Variants in RBM38 observed in about 807,000 individuals in gnomAD.
RBM38 encodes the protein RNA binding motif protein 38.
A neutral mutation model predicts 23.5 loss-of-function variants in RBM38; 11 were observed. The observed-to-expected ratio is 0.47, with a 90% CI of 0.29 to 0.77. RBM38 has a LOEUF of 0.77. Ranked by LOEUF, RBM38 falls within the 30% of genes least tolerant of loss-of-function variation. The pLI is 0.08. For missense variants in RBM38, 330 were observed against 351.9 expected (o/e 0.94, Z 0.50); for synonymous variants, 165 against 166.1 (o/e 0.99, Z 0.05).
rs1401044966 is a variant in RBM38 at position 57,391,592 on chromosome 20, A to T, written c.11A>T (p.Gln4Leu). ...GGCGGGGCGCCCCCCATGCTGCTGC[A>T]GCCCGCGCCGTGCGCCCCGAGCGCG... The part of the protein sequence containing the change: MLL[Q>L]PAPCAPSAGF... Residue 4 changes from glutamine to leucine, a missense_variant, in exon 1 of 4, where the codon CAG (glutamine) becomes CTG (leucine). By Grantham distance (113) the Gln-to-Leu change is moderately radical. Around this residue, in one of 3 missense-constraint regions of RBM38, gnomAD observed 95 missense variants for 111.9 expected, o/e 0.85. Coordinates refer to ENST00000356208, the MANE Select transcript of RBM38 (RefSeq NM_017495.6). The T allele has an allele frequency of 7.5e-7, 1 of 1,339,352 alleles. No individual in the cohort carries two copies. Among genetic ancestry groups the T allele is most frequent in the Middle Eastern group, 2.6e-4 (1 of 3,876 alleles). The allele number at this position is 1,339,352 out of a possible 1,614,324, so 83.0% of individuals were successfully genotyped here.
At position 57,391,677 on chromosome 20, in the gene RBM38, G is replaced by C; in HGVS notation, c.96G>C (p.Thr32=). Reference sequence around the variant, plus strand: ...TGCACGGCTCGCAGAAGGACACCACGTTCACCAAGATCTTCGTGGGCGGCC... The same window carrying C: ...TGCACGGCTCGCAGAAGGACACCACCTTCACCAAGATCTTCGTGGGCGGCC... ...GAMHGSQKDT[T]FTKIFVGGLP... Residue 32 remains threonine, a synonymous_variant, in exon 1 of 4, where the codon ACG becomes ACC. Transcript: ENST00000356208. 1 of 1,511,482 alleles carries C rather than the reference G, an allele frequency of 6.6e-7. No homozygotes were observed. Among genetic ancestry groups the C allele is most frequent in the Non-Finnish European group, 8.9e-7 (1 of 1,127,002 alleles). The allele number at this position is 1,511,482 out of a possible 1,614,324, so 93.6% of individuals were successfully genotyped here. A position where few individuals can be genotyped will look rare whatever the true frequency, so the allele number is the denominator to read the frequency against.
intron 3 of RBM38, chr20:57,399,810 G>T: frequency 2.2e-6 from 1 of 448,748 alleles, no homozygotes; most frequent in Non-Finnish European, 4.5e-6. Flanking sequence ...CCCACACCCA[G>T]CCAGGCGGGA....
intron 1 of RBM38, 101 bp downstream of exon 1, chr20:57,391,919 G>A (rs2067220253): frequency 1.2e-6 from 1 of 837,838 alleles, no homozygotes; most frequent in Non-Finnish European, 1.6e-6. Flanking sequence ...GCCCGCTGCC[G>A]CCCCCGCCCC....
intron 1 of RBM38, among the ~76,000 whole-genome samples, chr20:57,392,064 C>G (rs73917112): frequency 0.012 from 1,487 of 122,610 alleles, 23 homozygotes; most frequent in African/African-American, 0.042. Context: ...AAAGGAAGAG[C>G]CGCTGTGTTC....
chr20:57,392,523 C>A (rs921846115), intron 1 of RBM38, 131 bp from the exon 2 acceptor site: 1 of 1,521,466 alleles, frequency 6.6e-7, no homozygotes, highest in Middle Eastern at 1.9e-4. Context: ...GGCTCAAGGA[C>A]CCTGGGTCAC....
rs755104107 is a variant in RBM38 at position 57,407,651 on chromosome 20, C to G, written c.525C>G (p.Ala175=). 6.2e-7 allele frequency: 1 copy of G among 1,613,110 alleles called. No individual in the cohort carries two copies. The highest frequency in any genetic ancestry group is 1.3e-5 in the African/African-American group (1 of 74,940). The part of the protein sequence containing the change: ...LSSPYIEYTP[A]SPAYAQYPPA... ...CGCCCTACATTGAGTACACGCCGGC[C>G]AGCCCGGCCTACGCCCAGTACCCAC... Residue 175 remains alanine, a synonymous_variant, in exon 4 of 4, where the codon GCC becomes GCG. Transcript: ENST00000356208. The surrounding 1 kb of genome is among the most constrained non-coding windows in gnomAD (Gnocchi z 4.0).
Position 57,404,024 on chromosome 20 carries a change from A to T in RBM38, c.417-3519A>T, listed in dbSNP as rs193118071. 5.3e-5 allele frequency among the ~76,000 whole-genome samples: 8 copies of T among 152,316 alleles called. No homozygotes were observed. In the East Asian group the frequency reaches 1.5e-3, roughly 29 times the overall value. ...GTCTGCAAGGGTCAGGAAACAGGAG[A>T]GCCCCGCCTTCCTCCCCAGCCTAAA... is the stretch of plus-strand genomic sequence containing the variant. On this transcript the variant is annotated intron_variant, in intron 3 of 3. Transcript: ENST00000356208.
chr20:57,392,777 G>T lies in RBM38; in HGVS notation c.361G>T (p.Gly121Cys), dbSNP rs747582637. Residue 121 changes from glycine (G) to cysteine (C), a missense_variant and splice_region_variant, in exon 2 of 4, where the codon GGC becomes TGC. Transcript: ENST00000356208. ...LGAKPRSLQT[G>C]FAIGVQQLHP... ...CGCCAAGCCGCGGAGCCTCCAGACG[G>T]GTGAGAGCTTGTGTTTTCCTGCCTG... 7.4e-6 allele frequency: 12 copies of T among 1,611,998 alleles called. No homozygotes were observed. Among genetic ancestry groups the T allele is most frequent in the Non-Finnish European group, 5.1e-6 (6 of 1,179,522 alleles).
In RBM38 at chr20:57,396,422, G is replaced by C. The variant is rs562512946; in HGVS notation, c.416+3089G>C. 5.3e-4 allele frequency among the ~76,000 whole-genome samples: 81 copies of C among 152,360 alleles called. 1 individual carries two copies. Among genetic ancestry groups the C allele is most frequent in the African/African-American group, 1.8e-3 (73 of 41,580 alleles). On this transcript the variant is annotated intron_variant, in intron 3 of 3. Coordinates refer to ENST00000356208, the MANE Select transcript of RBM38 (RefSeq NM_017495.6). Reference sequence around the variant, plus strand: ...AGGGTCTGTGTCCAGGCAGAGCTTAGTCTGGCCTGGAACGGTGCCCTGTGT... The same window carrying C: ...AGGGTCTGTGTCCAGGCAGAGCTTACTCTGGCCTGGAACGGTGCCCTGTGT...
chr20:57,392,992 G>A (rs746027144), intron 2 of RBM38: 1 of 718,066 alleles, frequency 1.4e-6, no homozygotes, highest in Non-Finnish European at 2.3e-6. Context: ...GGCAGGGAGG[G>A]TACTGCACCC....
At chr20:57,393,424 T>C (rs2067241766) in intron 3 of RBM38, 91 bp downstream of exon 3, 16 of 1,361,908 alleles carry the variant, frequency 1.2e-5, no homozygotes, top group Non-Finnish European at 1.6e-5. Flanking sequence ...GCTGGGGAAA[T>C]GACAGTTTTC....
At position 57,399,420 on chromosome 20, in the gene RBM38, G is replaced by A. The variant is rs942654845; in HGVS notation, c.416+6087G>A. 3.9e-5 allele frequency among the ~76,000 whole-genome samples: 6 copies of A among 152,312 alleles called. No homozygotes were observed. The East Asian group carries it at 9.7e-4, about 25-fold the overall frequency. ...AGACGAGGGTGCTGCCTGCACCAGC[G>A]GCCCTGGTGAGATACAGTGAGATTC... is the stretch of plus-strand genomic sequence containing the variant. On this transcript the variant is annotated intron_variant, in intron 3 of 3. Coordinates refer to ENST00000356208, the MANE Select transcript of RBM38 (RefSeq NM_017495.6).
chr20:57,392,898 T>TGCAGAGCC (rs2067235719), intron 2 of RBM38, 121 bp downstream of exon 2: 2 of 1,343,284 alleles, frequency 1.5e-6, no homozygotes, highest in East Asian at 4.6e-5. Flanking sequence ...ATCATGTGCC[T>TGCAGAGCC]GCAGAGCCGG....
intron 2 of RBM38, 191 bp downstream of exon 2, chr20:57,392,968 A>C (rs958816267): frequency 2.2e-5 from 18 of 816,928 alleles, no homozygotes; most frequent in Non-Finnish European, 2.8e-5. Context: ...TGTGGCCCAA[A>C]GAAGGGGGCG....
intron 3 of RBM38, among the ~76,000 whole-genome samples, 198 bp downstream of exon 3, chr20:57,393,531 C>T (rs541282438): frequency 6.6e-5 from 10 of 152,316 alleles, no homozygotes; most frequent in East Asian, 3.9e-4. Flanking sequence ...GATGGTGAGC[C>T]TTGGAGCCTG....
At chr20:57,401,665 C>A (rs1000538228) in intron 3 of RBM38, among the ~76,000 whole-genome samples, 1 of 152,160 alleles carries the variant, frequency 6.6e-6, no homozygotes, top group Non-Finnish European at 1.5e-5. Context: ...GAAACAGAGC[C>A]GCCTGGGTGG....
In RBM38 at chr20:57,391,503, G is replaced by C. The variant is rs1353310058; in HGVS notation, c.-79G>C. 3.2e-6 allele frequency: 1 copy of C among 314,700 alleles called. No homozygotes were observed. The highest frequency in any genetic ancestry group is 4.6e-6 in the Non-Finnish European group (1 of 219,326). The allele number at this position is 314,700 out of a possible 1,614,324, so 19.5% of individuals were successfully genotyped here. ...CCTGGCGGCTGGACGGGCGCCCCTC[G>C]CTGCCCCGCGCGCTCCCCGCCGCCC... On this transcript the variant is annotated 5_prime_UTR_variant, in exon 1 of 4. Coordinates refer to ENST00000356208, the MANE Select transcript of RBM38 (RefSeq NM_017495.6).
Position 57,407,468 on chromosome 20 carries a change from C to A in RBM38, c.417-75C>A. 2 of 1,491,078 alleles carry A rather than the reference C, an allele frequency of 1.3e-6. No homozygotes were observed. Among genetic ancestry groups the A allele is most frequent in the Non-Finnish European group, 1.8e-6 (2 of 1,093,828 alleles). The allele number at this position is 1,491,078 out of a possible 1,614,324, so 92.4% of individuals were successfully genotyped here. On this transcript the variant is annotated intron_variant, in intron 3 of 3. Transcript: ENST00000356208. The surrounding 1 kb of genome is among the most constrained non-coding windows in gnomAD (Gnocchi z 4.0). ...GCTCGGGGTGGGGGGCGGCACGCAT[C>A]GTGTACCCCACTGTTCTCCCAGCTG... is the stretch of plus-strand genomic sequence containing the variant.
At chr20:57,405,266 G>A (rs1444931576) in intron 3 of RBM38, among the ~76,000 whole-genome samples, 2 of 152,238 alleles carry the variant, frequency 1.3e-5, no homozygotes, top group East Asian at 1.9e-4. Flanking sequence ...CCCCTCGAGG[G>A]CAGGGGCTCT....
Sources: allele counts gnomAD v4.1 joint callset (sites outside exome capture counted in the v4.1 genomes callset), GRCh38; gene constraint gnomAD v4.1.1; regional missense constraint gnomAD v4.1.1; non-coding constraint Gnocchi (gnomAD v3.1); transcripts MANE v1.5; gene names NCBI Gene and HGNC (gene_info 2026-07-23, HGNC 2026-07-21).